STAT2: variants seen among roughly 807,000 people sequenced by gnomAD.
STAT2 encodes interferon alpha induced transcriptional activator.
STAT2 carries 51 observed loss-of-function variants against 122.3 expected under a neutral mutation model. The ratio of observed to expected loss-of-function variants is 0.42; its 90% CI spans 0.33 to 0.53. The LOEUF (loss-of-function observed/expected upper bound fraction) is 0.53, where lower values mean the gene tolerates loss of function less well. Among genes scored for constraint, STAT2 ranks in the 20% least tolerant of loss-of-function variants. STAT2 has a pLI of 0.10. For synonymous variants in STAT2, 351 were observed against 394.9 expected, an observed-to-expected ratio of 0.89 and a Z score of 1.32; for missense variants, 736 against 1,010.3, an observed-to-expected ratio of 0.73 and a Z score of 3.68.
At chr12:56,358,744 T>C in intron 1 of STAT2, among the ~76,000 whole-genome samples, 1 of 152,184 alleles carries the variant, frequency 6.6e-6, no homozygotes, top group East Asian at 1.9e-4. Flanking sequence ...CTTTGTGAGA[T>C]CCTGAAACTT....
At chr12:56,351,512 C>T in intron 8 of STAT2, 62 bp from the exon 9 acceptor site, 1 of 1,554,752 alleles carries the variant, frequency 6.4e-7, no homozygotes, top group Non-Finnish European at 8.7e-7. Context: ...CATCCAGGTT[C>T]CAAGATCTCT....
chr12:56,350,032 G>C (rs1878204093), intron 13 of STAT2, 65 bp downstream of exon 13: 8 of 1,409,902 alleles, frequency 5.7e-6, no homozygotes, highest in Admixed American at 1.8e-5. Flanking sequence ...CTGGGGGACA[G>C]AGTGAGACTC....
At chr12:56,354,740 G>T (rs201337163) in intron 7 of STAT2, 38 bp downstream of exon 7, 185 of 1,613,478 alleles carry the variant, frequency 1.1e-4, no homozygotes, top group Non-Finnish European at 2.0e-5. Flanking sequence ...ATTTTTCCAG[G>T]TCCTTGTTGC....
At chr12:56,347,075 G>A (rs1227163717) in intron 19 of STAT2, 120 bp from the exon 20 acceptor site, 4 of 1,435,506 alleles carry the variant, frequency 2.8e-6, no homozygotes, top group Non-Finnish European at 3.7e-6. Context: ...TTTGGACCAA[G>A]CCCTGCCACT....
Position 56,346,198 on chromosome 12 carries a change from G to A in STAT2, c.2050C>T (p.Leu684Phe). 1 of 1,614,126 alleles carries A rather than the reference G, an allele frequency of 6.2e-7. No individual in the cohort carries two copies. The highest frequency in any genetic ancestry group is 1.1e-5 in the South Asian group (1 of 91,086). Residue 684 changes from leucine (L) to phenylalanine (F), a missense_variant, in exon 22 of 24, where the codon CTC becomes TTC. Transcript: ENST00000314128. The part of the protein sequence containing the change: ...FGCYYQEKVN[L>F]QERRKYLKHR... ...TTCAGGTATTTCCTCCGTTCCTGGA[G>A]ATTAACTGTGAGGAACATATACAAG...
At chr12:56,359,123 T>A (rs1198542518) in intron 1 of STAT2, among the ~76,000 whole-genome samples, 1 of 152,194 alleles carries the variant, frequency 6.6e-6, no homozygotes, top group Admixed American at 6.5e-5. Context: ...GAGAGTCTTC[T>A]ACTAACATGA....
intron 21 of STAT2, 23 bp from the exon 22 acceptor site, chr12:56,346,226 G>A: frequency 6.2e-7 from 1 of 1,613,474 alleles, no homozygotes; most frequent in South Asian, 1.1e-5. Context: ...TATACAAGAA[G>A]CAGAGAAGAT....
intron 15 of STAT2, 52 bp from the exon 16 acceptor site, chr12:56,349,313 G>T (rs1230928295): frequency 6.2e-7 from 1 of 1,614,068 alleles, no homozygotes; most frequent in Admixed American, 1.7e-5. Flanking sequence ...CTAGCTGCAG[G>T]TATTTGTTAG....
At position 56,355,700 on chromosome 12, in the gene STAT2, G is replaced by C; in HGVS notation, c.381+8C>G. ...GAGTTTCCAACATTACCACTGAATT[G>C]TCCTCACCAATTGGGCCCTCTGAGC... is the stretch of plus-strand genomic sequence containing the variant. On this transcript the variant is annotated splice_region_variant and intron_variant, in intron 4 of 23. Coordinates refer to ENST00000314128, the MANE Select transcript of STAT2 (RefSeq NM_005419.4). 6.2e-7 allele frequency: 1 copy of C among 1,613,464 alleles called. No homozygotes were observed. Among genetic ancestry groups the C allele is most frequent in the East Asian group, 2.2e-5 (1 of 44,876 alleles).
intron 23 of STAT2, 90 bp from the exon 24 acceptor site, chr12:56,343,621 C>T: frequency 6.4e-7 from 1 of 1,551,292 alleles, no homozygotes; most frequent in Non-Finnish European, 8.7e-7. Flanking sequence ...GCAGGAAAGG[C>T]CTGGGAAGAG....
intron 10 of STAT2, 86 bp downstream of exon 10, chr12:56,351,012 C>T (rs1878381751): frequency 1.9e-6 from 3 of 1,574,492 alleles, no homozygotes; most frequent in African/African-American, 2.7e-5. Flanking sequence ...GAAGAAAAAG[C>T]CAAGAGTGGG....
chr12:56,343,557 G>C (rs761358985), intron 23 of STAT2, 26 bp from the exon 24 acceptor site: 11 of 1,607,668 alleles, frequency 6.8e-6, no homozygotes, highest in Non-Finnish European at 9.4e-6. Context: ...AGAAAAGTGA[G>C]GCCCCGATCT....
At position 56,354,554 on chromosome 12, in the gene STAT2, G is replaced by T. The variant is rs143159503; in HGVS notation, c.694C>A (p.Leu232Met). 6.1e-5 allele frequency: 99 copies of T among 1,614,096 alleles called. 1 individual carries two copies. Among genetic ancestry groups the T allele is most frequent in the Middle Eastern group, 3.3e-4 (2 of 6,080 alleles). Residue 232 changes from leucine to methionine, a missense_variant, in exon 8 of 24, where the codon CTG (leucine) becomes ATG (methionine). Leu to Met is a conservative substitution (Grantham distance 15, BLOSUM62 2). Transcript: ENST00000314128. ...GCCTTCCACTCCTCCAACTTTGGCAGCAGTAGCTCGATTAGGGTAGTTAAT... is the reference window on the plus strand; with the variant it reads ...GCCTTCCACTCCTCCAACTTTGGCATCAGTAGCTCGATTAGGGTAGTTAAT... The part of the protein sequence containing the change: ...GRLTTLIELL[L>M]PKLEEWKAQQ...
At position 56,346,699 on chromosome 12, in the gene STAT2, A is replaced by T. The variant is rs1228654770; in HGVS notation, c.1862-75T>A. The T allele has an allele frequency of 3.7e-6, 6 of 1,602,250 alleles. No individual in the cohort carries two copies. The East Asian group carries it at 1.3e-4, about 36-fold the overall frequency. On this transcript the variant is annotated intron_variant, in intron 20 of 23. Transcript: ENST00000314128. ...TTGGAGCTCTCTGCTCTGGCTGCCCAGTCCCAAACCAGCTGAGGGATTCAG... is the reference window on the plus strand; with the variant it reads ...TTGGAGCTCTCTGCTCTGGCTGCCCTGTCCCAAACCAGCTGAGGGATTCAG...
At chr12:56,343,699 A>G in intron 23 of STAT2, 126 bp downstream of exon 23, 1 of 1,532,088 alleles carries the variant, frequency 6.5e-7, no homozygotes, top group Non-Finnish European at 8.8e-7. Context: ...TCCTAAAAAA[A>G]GGAATCACAG....
intron 22 of STAT2, among the ~76,000 whole-genome samples, chr12:56,344,528 A>T (rs1877059777): frequency 6.6e-6 from 1 of 152,228 alleles, no homozygotes; most frequent in Admixed American, 6.5e-5. Context: ...TGTAGATTCA[A>T]TAAAATGAGA....
chr12:56,356,599 T>C, intron 1 of STAT2, 21 bp from the exon 2 acceptor site: 1 of 1,612,270 alleles, frequency 6.2e-7, no homozygotes, highest in Non-Finnish European at 8.5e-7. Flanking sequence ...AGGATGAGGG[T>C]TCCCAATTGG....
Position 56,354,446 on chromosome 12 carries a change from G to A in STAT2, c.782+20C>T, listed in dbSNP as rs1395716815. On this transcript the variant is annotated intron_variant, in intron 8 of 23. Transcript: ENST00000314128. Reference sequence around the variant, plus strand: ...ATCACAGCGCATGGCGAGGACGAGGGTTGGGGTGGTACCTCTCACCATGTC... The same window carrying A: ...ATCACAGCGCATGGCGAGGACGAGGATTGGGGTGGTACCTCTCACCATGTC... 1.9e-6 allele frequency: 3 copies of A among 1,614,024 alleles called. No individual in the cohort carries two copies. Among genetic ancestry groups the A allele is most frequent in the Admixed American group, 1.7e-5 (1 of 60,008 alleles).
intron 16 of STAT2, 25 bp from the exon 17 acceptor site, chr12:56,349,084 C>G: frequency 6.2e-7 from 1 of 1,613,508 alleles, no homozygotes; most frequent in Non-Finnish European, 8.5e-7. Context: ...GCAGTGTAGG[C>G]TGGCTCAGAA....
Sources: allele counts gnomAD v4.1 joint callset (sites outside exome capture counted in the v4.1 genomes callset), GRCh38; gene constraint gnomAD v4.1.1; transcripts MANE v1.5; gene names NCBI Gene and HGNC (gene_info 2026-07-23, HGNC 2026-07-21).